The following TFAP2D variants were observed in gnomAD, a reference collection of about 807,000 sequenced individuals.
TFAP2D encodes transcription factor AP-2-delta.
TFAP2D carries 9 observed loss-of-function variants against 43.6 expected under a neutral mutation model. The ratio of observed to expected loss-of-function variants is 0.21; its 90% CI spans 0.12 to 0.36. The LOEUF is 0.36. Ranked by LOEUF, TFAP2D falls within the 10% of genes least tolerant of loss-of-function variation. The probability of loss-of-function intolerance (pLI) is 1.00; values close to 1 mark genes in which losing one functional copy is unlikely to be tolerated. For missense variants in TFAP2D, 513 were observed against 561.4 expected (o/e 0.91, Z 0.87); for synonymous variants, 256 against 224.9 (o/e 1.14, Z -1.24).
chr6:50,765,989 C>A (rs1034954194), intron 7 of TFAP2D, among the ~76,000 whole-genome samples: 7 of 152,054 alleles, frequency 4.6e-5, no homozygotes, highest in Non-Finnish European at 1.0e-4. Context: ...TAGTTTTGGT[C>A]TTTTATTATG....
intron 7 of TFAP2D, among the ~76,000 whole-genome samples, chr6:50,752,774 G>A (rs1047363201): frequency 1.3e-5 from 2 of 151,808 alleles, no homozygotes; most frequent in Non-Finnish European, 2.9e-5. Context: ...TAAAACTGGG[G>A]GAAAATAAAA....
chr6:50,766,744 C>A (rs567553483), intron 7 of TFAP2D, among the ~76,000 whole-genome samples: 39 of 143,016 alleles, frequency 2.7e-4, no homozygotes, highest in Middle Eastern at 4.0e-3. Context: ...TCTCGGCTCA[C>A]TGCAAGCTCC....
intron 7 of TFAP2D, among the ~76,000 whole-genome samples, chr6:50,758,478 G>T (rs1262092766): frequency 6.6e-6 from 1 of 151,802 alleles, no homozygotes; most frequent in Non-Finnish European, 1.5e-5. Context: ...ACTTTCTAAA[G>T]GCAGTTCTCA....
intron 3 of TFAP2D, among the ~76,000 whole-genome samples, chr6:50,727,771 C>G (rs1768829733): frequency 6.6e-6 from 1 of 152,066 alleles, no homozygotes; most frequent in Non-Finnish European, 1.5e-5. Context: ...TGCCTCGGAC[C>G]CTTAAAAACT....
rs60774408 is a variant in TFAP2D, at chr6:50,720,470, A to G, written c.598+1320A>G. On this transcript the variant is annotated intron_variant, in intron 3 of 7. Transcript: ENST00000008391. The stretch of plus-strand genomic sequence containing the variant: ...AGAGCTGCTCAACACTTCTTGTTTC[A>G]CCCTATGGAGATTAAAACACACACA... 3.5e-3 allele frequency among the ~76,000 whole-genome samples: 501 copies of G among 145,154 alleles called. 5 individuals are homozygous for G. The highest frequency in any genetic ancestry group is 0.012 in the African/African-American group (460 of 38,598).
rs1205408714 is a variant in TFAP2D at position 50,715,417 on chromosome 6, T to C, written c.341T>C (p.Ile114Thr). The change falls in exon 2 of 8, where the codon ATT becomes ACT. Residue 114 changes from isoleucine (I) to threonine (T), a missense_variant. By Grantham distance (89) the Ile-to-Thr change is moderately conservative. This residue lies in a region of TFAP2D where 311 missense variants were observed against 316.2 expected (regional missense o/e 0.98). Transcript: ENST00000008391. Reference sequence around the variant, plus strand: ...CACCACGGGGAGCCCACCGACTTTATTAACCTGCACAATGCGCGGGCGCTC... The same window carrying C: ...CACCACGGGGAGCCCACCGACTTTACTAACCTGCACAATGCGCGGGCGCTC... ...QIHHGEPTDF[I>T]NLHNARALKS... 1.2e-6 allele frequency: 2 copies of C among 1,614,008 alleles called. No individual in the cohort carries two copies. Among genetic ancestry groups the C allele is most frequent in the African/African-American group, 1.3e-5 (1 of 74,912 alleles).
chr6:50,734,015 T>G (rs931205698), intron 5 of TFAP2D, among the ~76,000 whole-genome samples: 1 of 151,788 alleles, frequency 6.6e-6, no homozygotes, highest in Non-Finnish European at 1.5e-5. Context: ...TGTGTGTGTG[T>G]GTGTTTAAAC....
intron 6 of TFAP2D, among the ~76,000 whole-genome samples, chr6:50,747,188 AT>A (rs543400762): frequency 1.7e-3 from 264 of 152,072 alleles, no homozygotes; most frequent in African/African-American, 6.1e-3. Flanking sequence ...TATTGACTAA[AT>A]TTTTTTTCCA....
Position 50,715,109 on chromosome 6 carries a change from C to T in TFAP2D, c.40-7C>T. 1 of 1,609,932 alleles carries T rather than the reference C, an allele frequency of 6.2e-7. No homozygotes were observed. Among genetic ancestry groups the T allele is most frequent in the Non-Finnish European group, 8.5e-7 (1 of 1,176,480 alleles). ...TCTGCTCTCCCTTTTCCCCCTCTTC[C>T]TTCCAGATACGTCACGACGGATCAA... On this transcript the variant is annotated splice_region_variant and splice_polypyrimidine_tract_variant and intron_variant, in intron 1 of 7. Coordinates refer to ENST00000008391, the MANE Select transcript of TFAP2D (RefSeq NM_172238.4).
At position 50,714,104 on chromosome 6, in the gene TFAP2D, CTTTTTT is replaced by C. The variant is rs71305731; in HGVS notation, c.39+25_39+30del. On this transcript the variant is annotated intron_variant, in intron 1 of 7. Transcript: ENST00000008391. ...AGTCCACGATGCCGAGGTATTATTA[CTTTTTT>C]TTTTTTTTTTTTTTGAGCGCGCGTG... 86 of 1,398,266 alleles carry C rather than the reference CTTTTTT, an allele frequency of 6.2e-5. No homozygotes were observed. Among genetic ancestry groups the C allele is most frequent in the Admixed American group, 3.9e-4 (15 of 38,590 alleles). 86.6% of individuals were successfully genotyped at this position (1,398,266 alleles called of 1,614,324 possible).
rs772755261 is a variant in TFAP2D, at chr6:50,715,589, C to T, written c.513C>T (p.Ala171=). ...RLLPGPSLGL[A]AAGADDLQGS... Reference sequence around the variant, plus strand: ...TGCCAGGGCCCAGCCTGGGGCTGGCCGCCGCGGGAGCAGACGACTTGCAGG... The same window carrying T: ...TGCCAGGGCCCAGCCTGGGGCTGGCTGCCGCGGGAGCAGACGACTTGCAGG... The change falls in exon 2 of 8, where the codon GCC becomes GCT. Residue 171 remains alanine, a synonymous_variant. Transcript: ENST00000008391. 25 of 1,597,802 alleles carry T rather than the reference C, an allele frequency of 1.6e-5. No homozygotes were observed. In the Admixed American group the frequency reaches 2.2e-4, roughly 14 times the overall value.
intron 6 of TFAP2D, 87 bp downstream of exon 6, chr6:50,745,335 G>T: frequency 1.3e-6 from 2 of 1,552,074 alleles, no homozygotes; most frequent in Non-Finnish European, 1.7e-6. Flanking sequence ...AGTCTAGAAG[G>T]CACCCGTTCT....
chr6:50,733,132 T>C (rs938537582), intron 5 of TFAP2D, among the ~76,000 whole-genome samples: 1 of 152,040 alleles, frequency 6.6e-6, no homozygotes, highest in Non-Finnish European at 1.5e-5. Flanking sequence ...GTTTGAAAAG[T>C]GAACATTTTA....
chr6:50,766,258 T>G (rs1198757212), intron 7 of TFAP2D, among the ~76,000 whole-genome samples: 1 of 152,184 alleles, frequency 6.6e-6, no homozygotes, highest in African/African-American at 2.4e-5. Context: ...CTGTTTTGAT[T>G]ACTATAGCTT....
At chr6:50,751,364 C>T (rs1464634424) in intron 7 of TFAP2D, 40 bp downstream of exon 7, 4 of 1,343,332 alleles carry the variant, frequency 3.0e-6, no homozygotes, top group Admixed American at 1.7e-5. Flanking sequence ...TCTTTACTAA[C>T]CCAGATGCTT....
At position 50,729,250 on chromosome 6, in the gene TFAP2D, TA is replaced by T; in HGVS notation, c.824del (p.Asn275ThrfsTer43). On this transcript the variant is annotated frameshift_variant, in exon 5 of 8. Transcript: ENST00000008391. LOFTEE classifies it high-confidence loss of function. ...CLREKLDRLGLNLPAGRRKAA... is the reference protein window; with the variant it reads ...CLREKLDRLGXNLPAGRRKAA... ...AGAGAGAAATTGGATAGGCTTGGCT[TA>T]AACTTACCAGCAGGAAGACGGAAAG... The T allele has an allele frequency of 1.2e-6, 2 of 1,614,050 alleles. No individual in the cohort carries two copies. Among genetic ancestry groups the T allele is most frequent in the Non-Finnish European group, 1.7e-6 (2 of 1,179,896 alleles).
At chr6:50,720,123 A>C (rs1768695143) in intron 3 of TFAP2D, among the ~76,000 whole-genome samples, 1 of 152,196 alleles carries the variant, frequency 6.6e-6, no homozygotes, top group Non-Finnish European at 1.5e-5. Flanking sequence ...TGGTCTATTC[A>C]CCAAGACTAA....
chr6:50,723,828 C>G (rs1456511060), intron 3 of TFAP2D, among the ~76,000 whole-genome samples: 2 of 152,116 alleles, frequency 1.3e-5, no homozygotes, highest in African/African-American at 4.8e-5. Flanking sequence ...AATCTCCCCC[C>G]AACCCCCGCC....
At chr6:50,758,930 G>T (rs1769327058) in intron 7 of TFAP2D, among the ~76,000 whole-genome samples, 1 of 152,032 alleles carries the variant, frequency 6.6e-6, no homozygotes, top group South Asian at 2.1e-4. Context: ...AGGTTCAGAA[G>T]CCTGCCTAAA....
Sources: gnomAD v4.1 joint callset for allele counts (sites outside exome capture counted in the v4.1 genomes callset) on GRCh38, gnomAD v4.1.1 for gene constraint, gnomAD v4.1.1 regional missense constraint, MANE v1.5 for transcripts, NCBI Gene and HGNC (gene_info 2026-07-23, HGNC 2026-07-21) for gene names.